ZC4H2: variants seen among roughly 807,000 people sequenced by gnomAD.
ZC4H2 encodes the protein zinc finger C4H2-type containing.
For missense variants in ZC4H2, 137 were observed against 173.9 expected, an observed-to-expected ratio of 0.79 and a Z score of 1.19; for synonymous variants, 84 against 66.3, an observed-to-expected ratio of 1.27 and a Z score of -1.30.
intron 1 of ZC4H2, among the ~76,000 whole-genome samples, chrX:64,951,722 T>C (rs1450120493): frequency 1.1e-4 from 12 of 110,878 alleles, no homozygotes; most frequent in Non-Finnish European, 1.9e-4. Context: ...ATGAGTAGGT[T>C]GCAAAAATTT....
At chrX:64,984,545 G>A (rs1290449899) in intron 1 of ZC4H2, among the ~76,000 whole-genome samples, 1 of 111,242 alleles carries the variant, frequency 9.0e-6, no homozygotes, top group Non-Finnish European at 1.9e-5. Context: ...AGATGAGCCA[G>A]TTTACTTCTC....
chrX:65,030,936 T>C (rs1349943986), intron 1 of ZC4H2, among the ~76,000 whole-genome samples: 2 of 111,444 alleles, frequency 1.8e-5, no homozygotes, highest in African/African-American at 6.5e-5. Flanking sequence ...TTTCCAATAA[T>C]TGATGCCTCC....
chrX:64,979,338 A>T (rs770466085), upstream of ZC4H2, among the ~76,000 whole-genome samples: 1 of 112,854 alleles, frequency 8.9e-6, no homozygotes, highest in African/African-American at 3.2e-5. Context: ...CATGCTTCCA[A>T]CTATGGACAT....
intron 1 of ZC4H2, among the ~76,000 whole-genome samples, chrX:65,014,959 C>T (rs1480829727): frequency 1.8e-5 from 2 of 111,800 alleles, no homozygotes; most frequent in Non-Finnish European, 3.8e-5. Flanking sequence ...GCCTAAACAA[C>T]TTCTAATTGT....
intron 1 of ZC4H2, among the ~76,000 whole-genome samples, chrX:64,972,577 T>C (rs1230683036): frequency 1.8e-5 from 2 of 111,992 alleles, no homozygotes; most frequent in African/African-American, 3.2e-5. Flanking sequence ...GTTAATAACA[T>C]TGAAATGTGC....
At chrX:65,019,506 CGT>C (rs1345085343) in intron 1 of ZC4H2, among the ~76,000 whole-genome samples, 1 of 111,996 alleles carries the variant, frequency 8.9e-6, no homozygotes, top group Non-Finnish European at 1.9e-5. Context: ...ACAAAAAGGA[CGT>C]CCACTCAGAG....
intron 3 of ZC4H2, chrX:64,919,648 T>C (rs1337068545): frequency 7.0e-6 from 1 of 142,021 alleles, no homozygotes; most frequent in Non-Finnish European, 1.4e-5. Flanking sequence ...TTCTTAACTC[T>C]GAGCCAGGAG....
intron 1 of ZC4H2, among the ~76,000 whole-genome samples, chrX:64,954,743 G>A (rs1047048229): frequency 1.8e-5 from 2 of 109,695 alleles, no homozygotes; most frequent in African/African-American, 3.3e-5. Context: ...TTAATGAAAA[G>A]GTGGACTGGT....
chrX:65,013,378 G>A (rs905818608), intron 1 of ZC4H2, among the ~76,000 whole-genome samples: 9 of 111,607 alleles, frequency 8.1e-5, no homozygotes, highest in African/African-American at 2.6e-4. Context: ...TCCTATTAGG[G>A]GCAGGCTAGA....
intron 1 of ZC4H2, among the ~76,000 whole-genome samples, chrX:64,922,790 T>G (rs1384974666): frequency 1.8e-5 from 2 of 112,182 alleles, no homozygotes; most frequent in Non-Finnish European, 3.8e-5. Context: ...ACTGAGCACT[T>G]GTGATGTGGC....
At chrX:65,011,311 AC>A (rs1310831094) in intron 1 of ZC4H2, among the ~76,000 whole-genome samples, 1 of 110,914 alleles carries the variant, frequency 9.0e-6, no homozygotes, top group Admixed American at 9.6e-5. Context: ...AGTCTGTCTG[AC>A]TCTAAAGCCC....
intron 1 of ZC4H2, among the ~76,000 whole-genome samples, chrX:65,004,979 C>A (rs1932626251): frequency 9.0e-6 from 1 of 111,347 alleles, no homozygotes; most frequent in African/African-American, 3.3e-5. Context: ...CTCCCATTCA[C>A]AATTGCTACA....
At chrX:64,956,823 G>T (rs1373071584) in intron 1 of ZC4H2, among the ~76,000 whole-genome samples, 3 of 112,090 alleles carry the variant, frequency 2.7e-5, no homozygotes, top group Non-Finnish European at 5.6e-5. Context: ...AGCATAAGGA[G>T]GTACCCTCTA....
rs892486716 is a variant in ZC4H2, at chrX:64,916,991, C to A, written c.*792G>T. ...TGGGGGCACTCTCAGCCTAAGGAAGCCCCTACAGCCGAGCCCTCAGCCCTA... is the reference window on the plus strand; with the variant it reads ...TGGGGGCACTCTCAGCCTAAGGAAGACCCTACAGCCGAGCCCTCAGCCCTA... On this transcript the variant is annotated 3_prime_UTR_variant, in exon 5 of 5. Coordinates refer to ENST00000374839, the MANE Select transcript of ZC4H2 (RefSeq NM_018684.4). 5.3e-5 allele frequency: 6 copies of A among 112,274 alleles called. No individual in the cohort carries two copies. Among genetic ancestry groups the A allele is most frequent in the African/African-American group, 1.9e-4 (6 of 30,787 alleles). The allele number at this position is 112,274 out of a possible 1,213,427, so 9.3% of individuals were successfully genotyped here.
chrX:65,002,083 C>T (rs1277151588), intron 1 of ZC4H2, among the ~76,000 whole-genome samples: 1 of 111,446 alleles, frequency 9.0e-6, no homozygotes, highest in Admixed American at 9.4e-5. Context: ...AGCTCTAGAC[C>T]AAGTGGAACT....
chrX:64,976,234 C>G, intron 1 of ZC4H2, 91 bp downstream of exon 1: 1 of 1,061,912 alleles, frequency 9.4e-7, no homozygotes, highest in African/African-American at 1.8e-5. Flanking sequence ...TTTCCAGCTC[C>G]TCTAGACAAA....
At chrX:64,968,160 G>A (rs1046215034) in intron 1 of ZC4H2, among the ~76,000 whole-genome samples, 10 of 111,878 alleles carry the variant, frequency 8.9e-5, no homozygotes, top group African/African-American at 3.3e-4. Context: ...CTATGTTCCA[G>A]CAACTGTATT....
chrX:64,920,003 CGT>C, intron 3 of ZC4H2, 76 bp downstream of exon 3: 2 of 1,059,287 alleles, frequency 1.9e-6, no homozygotes, highest in Non-Finnish European at 2.5e-6. Context: ...TATACCTGCC[CGT>C]GTGTGTGTAG....
intron 1 of ZC4H2, among the ~76,000 whole-genome samples, chrX:64,947,210 T>A (rs891444034): frequency 8.9e-6 from 1 of 112,339 alleles, no homozygotes; most frequent in African/African-American, 3.2e-5. Flanking sequence ...ATTTCTGTAT[T>A]TCTGTTCTTT....
Sources: gnomAD v4.1 joint callset for allele counts (sites outside exome capture counted in the v4.1 genomes callset) on GRCh38, gnomAD v4.1.1 for gene constraint, MANE v1.5 for transcripts, NCBI Gene and HGNC (gene_info 2026-07-23, HGNC 2026-07-21) for gene names.